ARHGAP24: variants seen among roughly 807,000 people sequenced by gnomAD.
ARHGAP24 encodes Rho GTPase activating protein 24, also known as rho GTPase-activating protein 24.
Under a neutral mutation model 76.4 loss-of-function variants are expected in ARHGAP24, and 50 were observed. That is an observed-to-expected ratio of 0.65 (90% CI 0.52 to 0.83). ARHGAP24 has a LOEUF of 0.83. Ranked by LOEUF, ARHGAP24 falls within the 40% of genes least tolerant of loss-of-function variation. The pLI, the probability that ARHGAP24 is intolerant of heterozygous loss-of-function variation, is 0.00. For synonymous variants in ARHGAP24, 345 were observed against 323.3 expected (o/e 1.07, Z -0.72); for missense variants, 930 against 914.2 (o/e 1.02, Z -0.22).
intron 1 of ARHGAP24, among the ~76,000 whole-genome samples, 177 bp downstream of exon 1, chr4:85,475,736 G>A (rs1430604856): frequency 1.5e-5 from 2 of 134,936 alleles, no homozygotes; most frequent in African/African-American, 2.9e-5. Context: ...CGGGGGGCGG[G>A]GAGGGATCGC....
chr4:85,564,376 C>A (rs535258855), intron 1 of ARHGAP24, among the ~76,000 whole-genome samples: 2 of 147,380 alleles, frequency 1.4e-5, no homozygotes, highest in East Asian at 2.0e-4. Context: ...GGGAACATCA[C>A]ACACCGGGGC....
At chr4:85,977,450 TTC>T in intron 7 of ARHGAP24, 118 bp from the exon 8 acceptor site, 1 of 1,172,090 alleles carries the variant, frequency 8.5e-7, no homozygotes, top group Non-Finnish European at 1.2e-6. Context: ...ATCCAAATAA[TTC>T]TGTCTCCATA....
intron 2 of ARHGAP24, among the ~76,000 whole-genome samples, chr4:85,653,247 AG>A (rs1381289633): frequency 2.0e-5 from 3 of 152,116 alleles, no homozygotes; most frequent in African/African-American, 7.2e-5. Context: ...CTAGCTGGCG[AG>A]GTTATTTTAT....
rs1726458986 is a variant in ARHGAP24 at position 85,755,640 on chromosome 4, TGTTTTG to T, written c.268+33669_268+33674del. Among the ~76,000 whole-genome samples, 2 of 101,882 alleles carry T rather than the reference TGTTTTG, an allele frequency of 2.0e-5. 1 individual carries two copies. The highest frequency in any genetic ancestry group is 4.3e-5 in the Non-Finnish European group (2 of 46,040). 66.8% of individuals were successfully genotyped at this position (101,882 alleles called of 152,430 possible). A position where few individuals can be genotyped will look rare whatever the true frequency, so the allele number is the denominator to read the frequency against. ...TCTATTCTTTTGTTTTGTTTTGTTT[TGTTTTG>T]TTTTGAGACGGAGTCTCGTTCTGTT... On this transcript the variant is annotated intron_variant, in intron 3 of 9. Transcript: ENST00000395184.
intron 3 of ARHGAP24, among the ~76,000 whole-genome samples, chr4:85,807,818 G>A (rs72978870): frequency 0.015 from 2,228 of 152,198 alleles, 58 homozygotes; most frequent in African/African-American, 0.051. Context: ...TTCAAGCACC[G>A]CTATTCCAAG....
rs374799772 is a variant in ARHGAP24 at position 85,488,360 on chromosome 4, A to T, written c.-21+12801A>T. Among the ~76,000 whole-genome samples the T allele has an allele frequency of 3.9e-5, 6 of 152,288 alleles. No individual in the cohort carries two copies. In the East Asian group the frequency reaches 1.2e-3, roughly 29 times the overall value. ...AGAGGAGAAGAATAAAATTACAGAA[A>T]TATAAATAAAAAGTCTTTTAATCTT... On this transcript the variant is annotated intron_variant, in intron 1 of 9. Transcript: ENST00000395184.
intron 1 of ARHGAP24, among the ~76,000 whole-genome samples, chr4:85,553,023 T>C (rs1327612942): frequency 6.6e-6 from 1 of 152,108 alleles, no homozygotes; most frequent in Non-Finnish European, 1.5e-5. Context: ...GAGTTGCTCA[T>C]TCCTCCCGGT....
intron 2 of ARHGAP24, among the ~76,000 whole-genome samples, chr4:85,617,070 T>C (rs1720565027): frequency 6.8e-6 from 1 of 147,976 alleles, no homozygotes; most frequent in Admixed American, 6.8e-5. Context: ...ATAATATATA[T>C]GTTATAAATA....
intron 5 of ARHGAP24, among the ~76,000 whole-genome samples, chr4:85,959,269 G>A (rs1178829421): frequency 1.3e-5 from 2 of 152,214 alleles, no homozygotes; most frequent in African/African-American, 4.8e-5. Flanking sequence ...GTAGCAGTGA[G>A]GATGACCAGA....
intron 4 of ARHGAP24, chr4:85,930,584 C>G (rs1736273497): frequency 9.6e-7 from 1 of 1,038,802 alleles, no homozygotes; most frequent in African/African-American, 1.7e-5. Context: ...CAAAAAAATG[C>G]AAAAACCAAT....
chr4:85,936,012 C>T (rs745636013), intron 4 of ARHGAP24, among the ~76,000 whole-genome samples: 5 of 152,068 alleles, frequency 3.3e-5, no homozygotes, highest in Non-Finnish European at 5.9e-5. Flanking sequence ...TAAGCTTTGC[C>T]TTGCTTTGTT....
rs570425761 is a variant in ARHGAP24 at position 85,584,869 on chromosome 4, G to A, written c.180+14148G>A. ...TCTTTGAAATCATGACAATTTAGAG[G>A]CATCCTGGGGGTTCTAGTAATTATG... On this transcript the variant is annotated intron_variant, in intron 2 of 9. Coordinates refer to ENST00000395184, the MANE Select transcript of ARHGAP24 (RefSeq NM_001025616.3). Among the ~76,000 whole-genome samples the A allele has an allele frequency of 2.0e-5, 3 of 152,164 alleles. No individual in the cohort carries two copies. In the East Asian group the frequency reaches 5.8e-4, roughly 29 times the overall value.
At chr4:85,871,696 G>A (rs965464756) in intron 3 of ARHGAP24, among the ~76,000 whole-genome samples, 9 of 152,238 alleles carry the variant, frequency 5.9e-5, no homozygotes, top group Admixed American at 3.9e-4. Context: ...GACCACATGA[G>A]CACATTGATG....
intron 4 of ARHGAP24, among the ~76,000 whole-genome samples, chr4:85,940,152 A>G (rs889501808): frequency 4.6e-5 from 7 of 152,160 alleles, no homozygotes; most frequent in Non-Finnish European, 1.0e-4. Context: ...TGTTACTACC[A>G]TTGAATGGAT....
At chr4:85,968,157 A>G (rs1225066104) in intron 5 of ARHGAP24, among the ~76,000 whole-genome samples, 4 of 151,972 alleles carry the variant, frequency 2.6e-5, no homozygotes, top group Admixed American at 6.6e-5. Flanking sequence ...CATACCAAAG[A>G]GCATGACTCT....
chr4:85,590,846 A>G (rs1229039727), intron 2 of ARHGAP24, among the ~76,000 whole-genome samples: 1 of 152,108 alleles, frequency 6.6e-6, no homozygotes, highest in African/African-American at 2.4e-5. Flanking sequence ...AATTTAACAT[A>G]AGGATCTTCA....
At chr4:85,508,777 G>T (rs181975288) in intron 1 of ARHGAP24, among the ~76,000 whole-genome samples, 18 of 152,166 alleles carry the variant, frequency 1.2e-4, no homozygotes, top group African/African-American at 4.3e-4. Flanking sequence ...CTCTTGCTGT[G>T]ACTTGACAAC....
At chr4:85,575,480 A>G (rs1010074574) in intron 2 of ARHGAP24, among the ~76,000 whole-genome samples, 1 of 152,230 alleles carries the variant, frequency 6.6e-6, no homozygotes, top group Non-Finnish European at 1.5e-5. Context: ...AGAAGAATCT[A>G]TAAAAAAGAA....
intron 3 of ARHGAP24, among the ~76,000 whole-genome samples, chr4:85,902,888 G>T (rs1367812198): frequency 2.6e-5 from 4 of 152,230 alleles, no homozygotes; most frequent in Non-Finnish European, 5.9e-5. Context: ...ACTGGCGTGA[G>T]CCACTGCGCC....
Sources: allele counts gnomAD v4.1 joint callset (sites outside exome capture counted in the v4.1 genomes callset), GRCh38; gene constraint gnomAD v4.1.1; transcripts MANE v1.5; gene names NCBI Gene and HGNC (gene_info 2026-07-23, HGNC 2026-07-21).